Variants in NSD1 observed in about 807,000 individuals in gnomAD.
The protein encoded by NSD1 is nuclear receptor binding SET domain protein 1.
A neutral mutation model predicts 242.7 loss-of-function variants in NSD1; 26 were observed. The observed-to-expected ratio is 0.11, with a 90% CI of 0.08 to 0.15. NSD1 has a LOEUF of 0.15. Ranked by LOEUF, NSD1 falls within the 10% of genes least tolerant of loss-of-function variation. The probability of loss-of-function intolerance (pLI) is 1.00; values close to 1 mark genes in which losing one functional copy is unlikely to be tolerated. For missense variants in NSD1, 2,495 were observed against 3,272.8 expected, an observed-to-expected ratio of 0.76 and a Z score of 5.80; for synonymous variants, 1,106 against 1,178.1, an observed-to-expected ratio of 0.94 and a Z score of 1.25.
chr5:177,291,535 C>T (rs1759828639), intron 21 of NSD1, among the ~76,000 whole-genome samples: 1 of 152,096 alleles, frequency 6.6e-6, no homozygotes, highest in East Asian at 1.9e-4. Flanking sequence ...CGCCTGTAAT[C>T]CCAGCTACTC....
At position 177,209,691 on chromosome 5, in the gene NSD1, A is replaced by G. The variant is rs1415127195; in HGVS notation, c.1292A>G (p.Tyr431Cys). The change falls in exon 5 of 23, where the codon TAT (tyrosine) becomes TGT (cysteine). Residue 431 changes from tyrosine to cysteine, a missense_variant. Transcript: ENST00000439151. ...WEASVGLAEQYDVPKGSKNRK... is the reference protein window; with the variant it reads ...WEASVGLAEQCDVPKGSKNRK... ...GCCAGTGTTGGACTTGCAGAACAGT[A>G]TGATGTTCCCAAGGGGTCAAAGAAC... is the stretch of plus-strand genomic sequence containing the variant. 13 of 1,613,920 alleles carry G rather than the reference A, an allele frequency of 8.1e-6. No individual in the cohort carries two copies. The highest frequency in any genetic ancestry group is 1.3e-5 in the African/African-American group (1 of 74,902).
At position 177,210,363 on chromosome 5, in the gene NSD1, G is replaced by C. The variant is rs370495638; in HGVS notation, c.1964G>C (p.Ser655Thr). 1 of 1,614,156 alleles carries C rather than the reference G, an allele frequency of 6.2e-7. No individual in the cohort carries two copies. Among genetic ancestry groups the C allele is most frequent in the Non-Finnish European group, 8.5e-7 (1 of 1,180,034 alleles). The change falls in exon 5 of 23, where the codon AGC (serine) becomes ACC (threonine). Residue 655 changes from serine to threonine, a missense_variant. By Grantham distance (58) the Ser-to-Thr change is moderately conservative (BLOSUM62 1). Around this residue, in one of 19 missense-constraint regions of NSD1, gnomAD observed 515 missense variants for 467.0 expected, o/e 1.10. Transcript: ENST00000439151. ...AGTGACCTGGATCCCATAGAACACA[G>C]CTCAGAGTCTGATAACAGTGTCCTT... ...GSSDLDPIEH[S>T]SESDNSVLEI...
chr5:177,184,705 G>A (rs1421676879), intron 2 of NSD1, among the ~76,000 whole-genome samples: 2 of 152,180 alleles, frequency 1.3e-5, no homozygotes, highest in East Asian at 1.9e-4. Flanking sequence ...GTGTGGGTGT[G>A]TGTGGGTGTG....
At chr5:177,153,094 A>G (rs1757857164) in intron 2 of NSD1, among the ~76,000 whole-genome samples, 1 of 152,152 alleles carries the variant, frequency 6.6e-6, no homozygotes. Flanking sequence ...AGGGCAGGTC[A>G]TTAAACCACT....
chr5:177,135,294 A>G lies in NSD1; in HGVS notation c.191A>G (p.Asp64Gly), dbSNP rs774709582. The change falls in exon 2 of 23, where the codon GAT becomes GGT. Residue 64 changes from aspartate to glycine, a missense_variant. Asp to Gly is a moderately conservative substitution (Grantham distance 94). Transcript: ENST00000439151. ...SGTSQNAYGQ[D>G]SPSCYIPLRR... ...ACATCCCAAAATGCTTATGGACAAG[A>G]TTCTCCATCTTGTTACATTCCACTG... 4 of 1,613,440 alleles carry G rather than the reference A, an allele frequency of 2.5e-6. No homozygotes were observed. In the African/African-American group the frequency reaches 4.0e-5, roughly 16 times the overall value.
At chr5:177,175,733 G>A (rs777503533) in intron 2 of NSD1, among the ~76,000 whole-genome samples, 2 of 152,016 alleles carry the variant, frequency 1.3e-5, no homozygotes, top group Non-Finnish European at 2.9e-5. Context: ...AAGCCATATG[G>A]AAAATAATAC....
rs754080977 is a variant in NSD1 at position 177,209,826 on chromosome 5, T to C, written c.1427T>C (p.Leu476Ser). 4 of 1,614,192 alleles carry C rather than the reference T, an allele frequency of 2.5e-6. No homozygotes were observed. The highest frequency in any genetic ancestry group is 2.2e-5 in the South Asian group (2 of 91,088). Residue 476 changes from leucine (L) to serine (S), a missense_variant, in exon 5 of 23, where the codon TTG becomes TCG. By Grantham distance (145) the Leu-to-Ser change is moderately radical (BLOSUM62 -2). Coordinates refer to ENST00000439151, the MANE Select transcript of NSD1 (RefSeq NM_022455.5). Reference sequence around the variant, plus strand: ...CATGACCTGTTGCTTAATGGCTGTTTGAAATCACTGGCTTTTGATTCTGAA... The same window carrying C: ...CATGACCTGTTGCTTAATGGCTGTTCGAAATCACTGGCTTTTGATTCTGAA... ...SEHDLLLNGC[L>S]KSLAFDSEHS...
At chr5:177,243,642 T>A (rs947624317) in intron 8 of NSD1, among the ~76,000 whole-genome samples, 1 of 152,134 alleles carries the variant, frequency 6.6e-6, no homozygotes, top group African/African-American at 2.4e-5. Context: ...CTCTGGCAAG[T>A]CTTTATTTTT....
rs1179106718 is a variant in NSD1 at position 177,296,276 on chromosome 5, G to C, written c.*817G>C. 4.3e-6 allele frequency: 1 copy of C among 233,456 alleles called. No homozygotes were observed. Among genetic ancestry groups the C allele is most frequent in the Non-Finnish European group, 8.5e-6 (1 of 118,192 alleles). 14.5% of individuals were successfully genotyped at this position (233,456 alleles called of 1,614,324 possible). On this transcript the variant is annotated 3_prime_UTR_variant, in exon 23 of 23. Coordinates refer to ENST00000439151, the MANE Select transcript of NSD1 (RefSeq NM_022455.5). The stretch of plus-strand genomic sequence containing the variant: ...CAGTCCTTGGAGGAGCAGGTGGTCA[G>C]GGGCAGTCGGGCTCTGTGCGAATGT...
chr5:177,174,422 A>C (rs1012404284), intron 2 of NSD1, among the ~76,000 whole-genome samples: 4 of 151,998 alleles, frequency 2.6e-5, no homozygotes, highest in Non-Finnish European at 5.9e-5. Context: ...CATGTTGGCC[A>C]GGCTGGTCTC....
chr5:177,167,167 A>G (rs1166076620), intron 2 of NSD1, among the ~76,000 whole-genome samples: 2 of 152,178 alleles, frequency 1.3e-5, no homozygotes, highest in Admixed American at 1.3e-4. Flanking sequence ...ATTGAATTCA[A>G]AAGAGACTAA....
At chr5:177,264,552 T>C (rs1371762867) in intron 14 of NSD1, among the ~76,000 whole-genome samples, 5 of 152,178 alleles carry the variant, frequency 3.3e-5, no homozygotes, top group Admixed American at 1.3e-4. Context: ...GCAGACACAT[T>C]TCCAAATGTA....
intron 2 of NSD1, among the ~76,000 whole-genome samples, chr5:177,188,643 T>C (rs1275868893): frequency 6.6e-6 from 1 of 152,190 alleles, no homozygotes; most frequent in African/African-American, 2.4e-5. Flanking sequence ...CTTTAAGATA[T>C]GACATCTTAG....
At chr5:177,240,086 G>GA (rs1201641056) in intron 8 of NSD1, among the ~76,000 whole-genome samples, 1 of 152,086 alleles carries the variant, frequency 6.6e-6, no homozygotes, top group Non-Finnish European at 1.5e-5. Flanking sequence ...CTTTCCAAGT[G>GA]AAAAAAATTT....
chr5:177,159,557 T>A (rs1452990192), intron 2 of NSD1, among the ~76,000 whole-genome samples: 2 of 151,694 alleles, frequency 1.3e-5, no homozygotes, highest in South Asian at 2.1e-4. Flanking sequence ...GTGCTGAGAT[T>A]ACATGCATGA....
At chr5:177,162,418 G>A (rs1212604965) in intron 2 of NSD1, among the ~76,000 whole-genome samples, 63 of 149,984 alleles carry the variant, frequency 4.2e-4, no homozygotes, top group Admixed American at 4.2e-3. Flanking sequence ...TGTTTGAGAT[G>A]GGGGTCTCAC....
chr5:177,184,796 A>G (rs1760969132), intron 2 of NSD1, among the ~76,000 whole-genome samples: 1 of 152,082 alleles, frequency 6.6e-6, no homozygotes, highest in African/African-American at 2.4e-5. Context: ...TGGCCTCCCA[A>G]AGTGCTAGGA....
At chr5:177,173,179 C>T (rs1759862971) in intron 2 of NSD1, among the ~76,000 whole-genome samples, 1 of 150,176 alleles carries the variant, frequency 6.7e-6, no homozygotes, top group Admixed American at 6.7e-5. Flanking sequence ...GTAGTCCCAG[C>T]TACTCGGGAG....
At chr5:177,293,743 A>C in intron 22 of NSD1, 89 bp from the exon 23 acceptor site, 1 of 1,433,202 alleles carries the variant, frequency 7.0e-7, no homozygotes, top group African/African-American at 1.4e-5. Context: ...GAAGGTCATC[A>C]TCCACACCTT....
Sources: gnomAD v4.1 joint callset for allele counts (sites outside exome capture counted in the v4.1 genomes callset) on GRCh38, gnomAD v4.1.1 for gene constraint, gnomAD v4.1.1 regional missense constraint, MANE v1.5 for transcripts, NCBI Gene and HGNC (gene_info 2026-07-23, HGNC 2026-07-21) for gene names.